The following TTC23L variants were observed in gnomAD, a reference collection of about 807,000 sequenced individuals.
TTC23L encodes tetratricopeptide repeat domain 23 like, also known as tetratricopeptide repeat protein 23-like.
A neutral mutation model predicts 48.1 loss-of-function variants in TTC23L; 42 were observed. The observed-to-expected ratio is 0.87, with a 90% confidence interval of 0.68 to 1.13. The LOEUF (loss-of-function observed/expected upper bound fraction) is 1.13. TTC23L is among the 50% of genes most tolerant of loss of function. TTC23L has a pLI of 0.00. For synonymous variants in TTC23L, 159 were observed against 157.2 expected (o/e 1.01, Z -0.09); for missense variants, 391 against 421.0 (o/e 0.93, Z 0.62).
At chr5:34,860,155 C>T (rs540996883) in intron 4 of TTC23L, among the ~76,000 whole-genome samples, 27 of 152,038 alleles carry the variant, frequency 1.8e-4, no homozygotes, top group African/African-American at 2.9e-4. Flanking sequence ...GCTGCTTATA[C>T]GTTTTTCAAT....
intron 8 of TTC23L, among the ~76,000 whole-genome samples, chr5:34,877,363 T>A (rs1188116878): frequency 1.2e-4 from 12 of 96,900 alleles, no homozygotes; most frequent in Non-Finnish European, 2.6e-4. Flanking sequence ...CCATTGTTCT[T>A]TTTTTTTTTT....
intron 8 of TTC23L, among the ~76,000 whole-genome samples, chr5:34,872,495 T>G (rs1761534771): frequency 1.3e-5 from 2 of 152,116 alleles, no homozygotes; most frequent in South Asian, 4.1e-4. Context: ...TCTTTAAAAA[T>G]GCAAGATCAA....
At chr5:34,902,825 A>T (rs1216184848), downstream of TTC23L, among the ~76,000 whole-genome samples, 1 of 152,128 alleles carries the variant, frequency 6.6e-6, no homozygotes, top group East Asian at 1.9e-4. Flanking sequence ...TTGGCCTATC[A>T]TTGTTCATTT....
chr5:34,918,370 TG>T, the TTC23L span: 1 of 1,441,398 alleles, frequency 6.9e-7, no homozygotes, highest in Non-Finnish European at 9.7e-7. Context: ...TTAGGGAAAG[TG>T]GAAAAATAAG....
chr5:34,840,769 G>A (rs746150249), intron 2 of TTC23L, 30 bp downstream of exon 2: 2 of 1,600,232 alleles, frequency 1.2e-6, no homozygotes, highest in East Asian at 2.2e-5. Flanking sequence ...GACATCACAG[G>A]TACTTACTGG....
chr5:34,921,902 C>T, the TTC23L span: 168 of 130,602 alleles, frequency 1.3e-3, no homozygotes, highest in African/African-American at 5.3e-3. Flanking sequence ...AGCGAAACTG[C>T]ATCGCAAAAA....
chr5:34,839,780 C>A, intron 1 of TTC23L: 1 of 347,922 alleles, frequency 2.9e-6, no homozygotes, highest in Non-Finnish European at 4.0e-6. Context: ...AAGCGACTGG[C>A]ATAGCCTTCC....
At chr5:34,890,612 G>A (rs1762810032) in intron 9 of TTC23L, among the ~76,000 whole-genome samples, 1 of 152,064 alleles carries the variant, frequency 6.6e-6, no homozygotes, top group Non-Finnish European at 1.5e-5. Context: ...TGTTCAGCAG[G>A]CAAGGCTCCA....
chr5:34,840,237 C>CGG (rs35797294), intron 1 of TTC23L, among the ~76,000 whole-genome samples: 4,385 of 42,766 alleles, frequency 0.1, 791 homozygotes, highest in Middle Eastern at 0.14. Context: ...GAAATGACCC[C>CGG]GGGGGGGGGG....
intron 6 of TTC23L, among the ~76,000 whole-genome samples, chr5:34,865,084 G>A (rs1317591017): frequency 1.3e-5 from 2 of 152,190 alleles, no homozygotes; most frequent in African/African-American, 4.8e-5. Context: ...CATGGAATTG[G>A]TTTAAGCCAG....
intron 3 of TTC23L, 46 bp downstream of exon 3, chr5:34,845,719 G>C (rs771741513): frequency 1.9e-6 from 3 of 1,549,534 alleles, no homozygotes. Context: ...TTAAAAATAT[G>C]TTCCTGTTTA....
At chr5:34,862,383 A>G (rs1324387147) in intron 4 of TTC23L, among the ~76,000 whole-genome samples, 1 of 152,168 alleles carries the variant, frequency 6.6e-6, no homozygotes, top group African/African-American at 2.4e-5. Context: ...TTTCCAGAAC[A>G]CTCAATGCAC....
chr5:34,917,971 G>C, the TTC23L span: 1 of 154,170 alleles, frequency 6.5e-6, no homozygotes, highest in East Asian at 1.9e-4. Flanking sequence ...TGAAATTAAA[G>C]GAGTCAGGAT....
At chr5:34,885,898 T>C (rs1561154210) in intron 9 of TTC23L, among the ~76,000 whole-genome samples, 3 of 152,082 alleles carry the variant, frequency 2.0e-5, no homozygotes, top group African/African-American at 7.2e-5. Context: ...CGTGGCAAAA[T>C]TGTAGCAATG....
chr5:34,914,851 C>G, the TTC23L span: 1 of 1,614,152 alleles, frequency 6.2e-7, no homozygotes, highest in East Asian at 2.2e-5. Context: ...CAAGGCTGTA[C>G]TGATCATCCT....
At chr5:34,841,917 T>C (rs1758711706) in intron 2 of TTC23L, among the ~76,000 whole-genome samples, 3 of 152,148 alleles carry the variant, frequency 2.0e-5, no homozygotes, top group Admixed American at 2.0e-4. Flanking sequence ...CTGTCCTATA[T>C]GTTGTAGGAT....
chr5:34,923,152 A>G, the TTC23L span: 3 of 1,613,792 alleles, frequency 1.9e-6, no homozygotes, highest in South Asian at 1.1e-5. Flanking sequence ...ACACCACGGT[A>G]TCATCCCAAA....
chr5:34,882,618 T>TAC (rs146120966), intron 9 of TTC23L, among the ~76,000 whole-genome samples: 8,107 of 140,876 alleles, frequency 0.058, 405 homozygotes, highest in African/African-American at 0.14. Flanking sequence ...TCCCATGGAC[T>TAC]ACACACACAC....
chr5:34,878,766 CTA>C (rs1376068649), intron 8 of TTC23L, among the ~76,000 whole-genome samples: 3 of 152,142 alleles, frequency 2.0e-5, no homozygotes, highest in African/African-American at 7.2e-5. Flanking sequence ...AGTACAACCT[CTA>C]TGGAAAACAG....
Sources: allele counts gnomAD v4.1 joint callset (sites outside exome capture counted in the v4.1 genomes callset), GRCh38; gene constraint gnomAD v4.1.1; transcripts MANE v1.5; gene names NCBI Gene and HGNC (gene_info 2026-07-23, HGNC 2026-07-21).